PTPRN2: variants seen among roughly 807,000 people sequenced by gnomAD.
The protein encoded by PTPRN2 is receptor-type tyrosine-protein phosphatase N2.
Under a neutral mutation model 118.8 loss-of-function variants are expected in PTPRN2, and 74 were observed. That is an observed-to-expected ratio of 0.62 (90% confidence interval 0.52 to 0.76). The LOEUF is 0.76. Ranked by LOEUF, PTPRN2 falls within the 30% of genes least tolerant of loss-of-function variation. The pLI is 0.00. For missense variants in PTPRN2, 1,481 were observed against 1,394.4 expected (o/e 1.06, Z -0.99); for synonymous variants, 641 against 608.0 (o/e 1.05, Z -0.80).
chr7:158,228,103 T>C (rs1464976017), intron 3 of PTPRN2, among the ~76,000 whole-genome samples: 1 of 152,224 alleles, frequency 6.6e-6, no homozygotes, highest in Non-Finnish European at 1.5e-5. Flanking sequence ...TTTATGTCTC[T>C]TTGGAACACA....
intron 11 of PTPRN2, among the ~76,000 whole-genome samples, chr7:158,002,854 G>GC (rs1308852001): frequency 6.6e-6 from 1 of 152,228 alleles, no homozygotes; most frequent in African/African-American, 2.4e-5. Context: ...TGGGGAGCTG[G>GC]CCTGGACCAC....
chr7:157,604,117 C>T, intron 15 of PTPRN2, 42 bp from the exon 16 acceptor site: 4 of 1,592,758 alleles, frequency 2.5e-6, no homozygotes, highest in South Asian at 1.1e-5. Flanking sequence ...CATTGGCCCA[C>T]CCAGCAGTGT....
At chr7:158,407,298 C>G (rs13309853) in intron 2 of PTPRN2, among the ~76,000 whole-genome samples, 45 of 64,082 alleles carry the variant, frequency 7.0e-4, no homozygotes, top group African/African-American at 1.9e-3. Context: ...CTGGGTCCTG[C>G]GTCCTGGGTC....
At chr7:157,655,850 C>T (rs552887020) in intron 14 of PTPRN2, among the ~76,000 whole-genome samples, 347 of 152,204 alleles carry the variant, frequency 2.3e-3, no homozygotes, top group Non-Finnish European at 3.9e-3. Flanking sequence ...GCTGAAGCCG[C>T]GTCGCCGTGA....
chr7:157,664,194 C>T (rs1796026435), intron 13 of PTPRN2, among the ~76,000 whole-genome samples: 1 of 152,252 alleles, frequency 6.6e-6, no homozygotes, highest in African/African-American at 2.4e-5. Context: ...ATCCACGGTG[C>T]TGAACGGAGG....
chr7:158,035,232 A>T (rs1461689483), intron 11 of PTPRN2, among the ~76,000 whole-genome samples: 3 of 152,388 alleles, frequency 2.0e-5, no homozygotes, highest in African/African-American at 7.2e-5. Flanking sequence ...TGTCTCAAGT[A>T]TAAAACTATA....
At chr7:157,747,835 T>G (rs1563066664) in intron 12 of PTPRN2, among the ~76,000 whole-genome samples, 2 of 128,762 alleles carry the variant, frequency 1.6e-5, no homozygotes, top group Non-Finnish European at 1.6e-5. Context: ...CCCTGAGCTT[T>G]GGGCTGTCCG....
At chr7:158,406,159 G>T (rs569007728) in intron 2 of PTPRN2, among the ~76,000 whole-genome samples, 4 of 116,746 alleles carry the variant, frequency 3.4e-5, no homozygotes, top group Non-Finnish European at 7.5e-5. Flanking sequence ...CTGAGATCCC[G>T]CAGTGGCTCA....
intron 4 of PTPRN2, among the ~76,000 whole-genome samples, chr7:158,196,880 T>C (rs888967428): frequency 6.6e-6 from 1 of 152,220 alleles, no homozygotes; most frequent in Non-Finnish European, 1.5e-5. Flanking sequence ...GGTAGACTTA[T>C]GGCTCTCTTA....
chr7:158,498,244 C>A (rs369869767), intron 1 of PTPRN2, among the ~76,000 whole-genome samples: 7 of 152,196 alleles, frequency 4.6e-5, no homozygotes, highest in Non-Finnish European at 1.5e-5. Context: ...AGAAGGGCAG[C>A]GAGCTGGGTA....
chr7:157,699,017 G>C (rs1797943326), intron 12 of PTPRN2, among the ~76,000 whole-genome samples: 1 of 152,152 alleles, frequency 6.6e-6, no homozygotes, highest in African/African-American at 2.4e-5. Flanking sequence ...AGAATAACCA[G>C]GTCATCTCTA....
chr7:158,275,234 G>A (rs1398132388), intron 3 of PTPRN2, among the ~76,000 whole-genome samples: 2 of 152,218 alleles, frequency 1.3e-5, no homozygotes, highest in African/African-American at 2.4e-5. Flanking sequence ...CCACAGAGAC[G>A]TGCTCCCTGG....
chr7:158,075,437 C>T (rs926606342), intron 11 of PTPRN2, among the ~76,000 whole-genome samples: 3 of 152,076 alleles, frequency 2.0e-5, no homozygotes, highest in Non-Finnish European at 4.4e-5. Context: ...TGTTCCATGT[C>T]CAGCCCACGT....
chr7:157,840,191 C>CG (rs1808285186), intron 12 of PTPRN2, among the ~76,000 whole-genome samples: 1 of 124,082 alleles, frequency 8.1e-6, no homozygotes, highest in African/African-American at 3.2e-5. Flanking sequence ...CCGTGTGTGA[C>CG]TGTGACCGCG....
Position 158,566,137 on chromosome 7 carries a change from G to C in PTPRN2, c.112+21421C>G, listed in dbSNP as rs1827652974. ...GGAGGCCAAGGTGGGTGGATCACCT[G>C]AGGTTAGGAGTTCAAGACCAGCCTC... On this transcript the variant is annotated intron_variant, in intron 1 of 22. Transcript: ENST00000389418. Among the ~76,000 whole-genome samples, 4 of 152,282 alleles carry C rather than the reference G, an allele frequency of 2.6e-5. No individual in the cohort carries two copies. The South Asian group carries it at 6.2e-4, about 24-fold the overall frequency.
intron 10 of PTPRN2, among the ~76,000 whole-genome samples, chr7:158,095,931 A>G (rs1422412444): frequency 6.6e-6 from 1 of 152,242 alleles, no homozygotes; most frequent in East Asian, 1.9e-4. Flanking sequence ...AAGAAAACTC[A>G]GAACTGCCTG....
At chr7:157,621,629 G>C in intron 14 of PTPRN2, 120 bp from the exon 15 acceptor site, 2 of 1,308,376 alleles carry the variant, frequency 1.5e-6, no homozygotes, top group South Asian at 2.7e-5. Context: ...TTGCTCACGA[G>C]CCTGGGCCAT....
chr7:157,833,508 C>T (rs374055673), intron 12 of PTPRN2, among the ~76,000 whole-genome samples: 4 of 139,956 alleles, frequency 2.9e-5, no homozygotes, highest in East Asian at 2.3e-4. Context: ...GCGACGTGGC[C>T]GGCGCCCATC....
chr7:157,580,478 C>T (rs1213061183), intron 17 of PTPRN2, among the ~76,000 whole-genome samples: 2 of 149,766 alleles, frequency 1.3e-5, no homozygotes, highest in Non-Finnish European at 3.0e-5. Flanking sequence ...CACCGCAGCA[C>T]CTGCACACCA....
Sources: allele counts gnomAD v4.1 joint callset (sites outside exome capture counted in the v4.1 genomes callset), GRCh38; gene constraint gnomAD v4.1.1; transcripts MANE v1.5; gene names NCBI Gene and HGNC (gene_info 2026-07-23, HGNC 2026-07-21).